Variants in CPQ observed in about 807,000 individuals in gnomAD.
CPQ encodes Ser-Met dipeptidase.
CPQ carries 37 observed loss-of-function variants against 45.7 expected under a neutral mutation model. The observed-to-expected ratio is 0.81, with a 90% CI of 0.62 to 1.07. The LOEUF (loss-of-function observed/expected upper bound fraction) is 1.07. CPQ is among the 50% of genes least tolerant of loss of function. CPQ has a pLI of 0.00. For synonymous variants in CPQ, 186 were observed against 205.8 expected (o/e 0.90, Z 0.82); for missense variants, 537 against 572.9 (o/e 0.94, Z 0.64).
chr8:96,795,989 A>G (rs1810922560), intron 2 of CPQ, among the ~76,000 whole-genome samples: 1 of 152,054 alleles, frequency 6.6e-6, no homozygotes, highest in South Asian at 2.1e-4. Flanking sequence ...TAAACATTAT[A>G]TATAATGTAC....
At chr8:96,975,906 G>A (rs1813770852) in intron 5 of CPQ, among the ~76,000 whole-genome samples, 1 of 152,034 alleles carries the variant, frequency 6.6e-6, no homozygotes, top group African/African-American at 2.4e-5. Context: ...AAAGTTGAAA[G>A]CATTCCCCCT....
intron 5 of CPQ, among the ~76,000 whole-genome samples, chr8:96,972,008 C>G (rs1813687507): frequency 6.6e-6 from 1 of 152,156 alleles, no homozygotes; most frequent in South Asian, 2.1e-4. Flanking sequence ...ATCCACAGAC[C>G]CTTTGAAGGA....
chr8:96,722,517 T>C (rs1168925322), intron 1 of CPQ, among the ~76,000 whole-genome samples: 1 of 152,228 alleles, frequency 6.6e-6, no homozygotes, highest in East Asian at 1.9e-4. Flanking sequence ...AAATATTTAC[T>C]TTCTAGTCCT....
At chr8:97,110,939 A>G (rs1321500068) in intron 7 of CPQ, among the ~76,000 whole-genome samples, 1 of 152,198 alleles carries the variant, frequency 6.6e-6, no homozygotes, top group Non-Finnish European at 1.5e-5. Flanking sequence ...TCCTGCGGCC[A>G]TTTGTCACAG....
chr8:96,817,264 C>A (rs1811240257), intron 2 of CPQ, among the ~76,000 whole-genome samples: 2 of 152,210 alleles, frequency 1.3e-5, no homozygotes, highest in South Asian at 4.1e-4. Context: ...ATGTTATGGG[C>A]CCTCTTTCCT....
intron 1 of CPQ, among the ~76,000 whole-genome samples, chr8:96,735,092 T>C (rs1287498301): frequency 6.6e-6 from 1 of 152,200 alleles, no homozygotes; most frequent in Non-Finnish European, 1.5e-5. Context: ...ATCCTGTATG[T>C]TTTTATATCA....
chr8:96,791,367 T>G (rs1810843376), intron 2 of CPQ, among the ~76,000 whole-genome samples: 1 of 152,134 alleles, frequency 6.6e-6, no homozygotes, highest in Non-Finnish European at 1.5e-5. Flanking sequence ...AATATATTGG[T>G]TTTTGTGTGT....
At chr8:96,714,118 C>T (rs1809647094) in intron 1 of CPQ, among the ~76,000 whole-genome samples, 2 of 152,202 alleles carry the variant, frequency 1.3e-5, no homozygotes, top group African/African-American at 4.8e-5. Flanking sequence ...ATGCCTTGGT[C>T]ATGCCCTTTT....
chr8:96,782,527 G>A (rs1052651577), intron 1 of CPQ, among the ~76,000 whole-genome samples: 5 of 152,054 alleles, frequency 3.3e-5, no homozygotes, highest in African/African-American at 1.2e-4. Flanking sequence ...GTGCCTTTGC[G>A]GTCATTTTCT....
At chr8:96,748,726 C>T (rs2130784172) in intron 1 of CPQ, among the ~76,000 whole-genome samples, 1 of 152,228 alleles carries the variant, frequency 6.6e-6, no homozygotes, top group South Asian at 2.1e-4. Flanking sequence ...GAGTATTCCA[C>T]ATATCAATTT....
intron 4 of CPQ, among the ~76,000 whole-genome samples, chr8:96,883,047 G>A (rs10107036): frequency 0.012 from 1,817 of 152,192 alleles, 45 homozygotes; most frequent in African/African-American, 0.042. Flanking sequence ...CATTTTCTGT[G>A]AGGCTTATTT....
chr8:97,047,138 A>C (rs1323084220), intron 6 of CPQ, among the ~76,000 whole-genome samples: 5 of 152,232 alleles, frequency 3.3e-5, no homozygotes, highest in Non-Finnish European at 7.3e-5. Context: ...GCTTTCGTGG[A>C]CATCAAGTCA....
chr8:96,662,314 C>T (rs539114301), intron 1 of CPQ, among the ~76,000 whole-genome samples: 1 of 152,100 alleles, frequency 6.6e-6, no homozygotes, highest in Non-Finnish European at 1.5e-5. Context: ...GAACTTTTAA[C>T]ATTTAAAAAT....
chr8:96,910,131 A>G (rs1396125210), intron 4 of CPQ, among the ~76,000 whole-genome samples: 1 of 152,196 alleles, frequency 6.6e-6, no homozygotes, highest in African/African-American at 2.4e-5. Flanking sequence ...GAGAGGGAAC[A>G]AGTAAATCCT....
rs150096206 is a variant in CPQ, at chr8:97,082,807, T to C, written c.1255+16597T>C. Among the ~76,000 whole-genome samples the C allele has an allele frequency of 5.3e-3, 805 of 152,314 alleles. 2 individuals are homozygous for C. The highest frequency in any genetic ancestry group is 0.018 in the African/African-American group (756 of 41,574). ...CCTCCCACTCCCACCCCATGGTATT[T>C]CCTTACCCATACAAGTGAGAAGACT... On this transcript the variant is annotated intron_variant, in intron 7 of 7. Coordinates refer to ENST00000220763, the MANE Select transcript of CPQ (RefSeq NM_016134.4).
At position 96,991,323 on chromosome 8, in the gene CPQ, G is replaced by C. The variant is rs150447752; in HGVS notation, c.961+25277G>C. On this transcript the variant is annotated intron_variant, in intron 5 of 7. Coordinates refer to ENST00000220763, the MANE Select transcript of CPQ (RefSeq NM_016134.4). Reference sequence around the variant, plus strand: ...CTAATCCCCCCTACTTTGGGAGACCGAGGTGGGCCAATCACTCGAGGCCAG... The same window carrying C: ...CTAATCCCCCCTACTTTGGGAGACCCAGGTGGGCCAATCACTCGAGGCCAG... Among the ~76,000 whole-genome samples, 1,085 of 152,132 alleles carry C rather than the reference G, an allele frequency of 7.1e-3. 4 individuals are homozygous for C. The highest frequency in any genetic ancestry group is 0.024 in the African/African-American group (1,008 of 41,506).
chr8:96,991,553 CATAATA>C (rs36215104), intron 5 of CPQ, among the ~76,000 whole-genome samples: 20,032 of 139,676 alleles, frequency 0.14, 1,557 homozygotes, highest in East Asian at 0.2. Context: ...AAGAGTCTGT[CATAATA>C]ATAATAATAA....
At chr8:96,814,103 G>C (rs1178835362) in intron 2 of CPQ, among the ~76,000 whole-genome samples, 1 of 151,586 alleles carries the variant, frequency 6.6e-6, no homozygotes, top group African/African-American at 2.4e-5. Context: ...ACGTATTTTG[G>C]GGGGCATTAT....
intron 5 of CPQ, among the ~76,000 whole-genome samples, chr8:97,016,921 T>TG (rs1470750328): frequency 6.6e-6 from 1 of 152,148 alleles, no homozygotes; most frequent in Non-Finnish European, 1.5e-5. Context: ...CAGCTGTCAC[T>TG]CGGATGGACA....
Sources: allele counts gnomAD v4.1 joint callset (sites outside exome capture counted in the v4.1 genomes callset), GRCh38; gene constraint gnomAD v4.1.1; transcripts MANE v1.5; gene names NCBI Gene and HGNC (gene_info 2026-07-23, HGNC 2026-07-21).